Variants in TOMT observed in about 807,000 individuals in gnomAD.
TOMT encodes the protein transmembrane O-methyltransferase.
Under a neutral mutation model 21.7 loss-of-function variants are expected in TOMT, and 23 were observed. That is an observed-to-expected ratio of 1.06 (90% CI 0.76 to 1.50). TOMT has a LOEUF of 1.50. TOMT is among the 40% of genes most tolerant of loss of function. The pLI is 0.00. For synonymous variants in TOMT, 132 were observed against 150.8 expected (o/e 0.88, Z 0.91); for missense variants, 331 against 348.7 (o/e 0.95, Z 0.41).
At chr11:72,107,937 C>A (rs762128762) in exon 2 of TOMT, 1 of 1,551,676 alleles carries the variant, frequency 6.4e-7, no homozygotes, top group South Asian at 1.2e-5. Flanking sequence ...GATCCTGATG[C>A]GGCTGGTGGA....
At chr11:72,109,240 A>G in exon 3 of TOMT, 1 of 465,830 alleles carries the variant, frequency 2.1e-6, no homozygotes. Flanking sequence ...TTGCTCTGAG[A>G]TTTAATCTTC....
intron 1 of TOMT, 36 bp downstream of exon 1, chr11:72,106,246 C>T (rs1168342794): frequency 7.0e-7 from 1 of 1,420,112 alleles, no homozygotes; most frequent in Non-Finnish European, 9.2e-7. Context: ...CAAGAAGTAC[C>T]CCCAAGACAG....
chr11:72,107,976 T>C, exon 2 of TOMT: 1 of 1,551,712 alleles, frequency 6.4e-7, no homozygotes, highest in South Asian at 1.2e-5. Context: ...TGTGCTGGAA[T>C]TGGGAACCTA....
chr11:72,109,373 T>TA (rs542916754), downstream of TOMT: 43 of 461,848 alleles, frequency 9.3e-5, no homozygotes, highest in South Asian at 5.0e-4. Context: ...GGCAATGAGT[T>TA]AGACGCCCTG....
Position 72,107,186 on chromosome 11 carries a change from G to C in TOMT, c.260-737G>C. On this transcript the variant is annotated intron_variant, in intron 1 of 2. Transcript: ENST00000541899. ...AAATGCTGAGGTGGGAGGATTGCCTGAGCCTGGGTGGTCAAGGCTGCAGTG... is the reference window on the plus strand; with the variant it reads ...AAATGCTGAGGTGGGAGGATTGCCTCAGCCTGGGTGGTCAAGGCTGCAGTG... 5 of 489,040 alleles carry C rather than the reference G, an allele frequency of 1.0e-5. No homozygotes were observed. The South Asian group carries it at 1.5e-4, about 15-fold the overall frequency. The allele number at this position is 489,040 out of a possible 1,614,324, so 30.3% of individuals were successfully genotyped here. A position where few individuals can be genotyped will look rare whatever the true frequency, so the allele number is the denominator to read the frequency against.
At chr11:72,108,261 C>A in intron 2 of TOMT, 142 bp downstream of exon 2, 1 of 701,046 alleles carries the variant, frequency 1.4e-6, no homozygotes, top group Non-Finnish European at 2.2e-6. Flanking sequence ...TGAGCTCCTG[C>A]CCTCCTGTCC....
Position 72,106,211 on chromosome 11 carries a change from G to C in TOMT, c.259+1G>C. The C allele has an allele frequency of 2.0e-6, 3 of 1,485,076 alleles. No homozygotes were observed. The highest frequency in any genetic ancestry group is 2.7e-6 in the Non-Finnish European group (3 of 1,112,810). 92.0% of individuals were successfully genotyped at this position (1,485,076 alleles called of 1,614,324 possible). ...TTGAGCCACATGGGGCCTGTCAAAG[G>C]TCAGTGTTCCCTAGCCTTCTGCTCC... On this transcript the variant is annotated splice_donor_variant, in intron 1 of 2. Coordinates refer to ENST00000541899, the Ensembl canonical transcript of TOMT. LOFTEE classifies it high-confidence loss of function.
chr11:72,108,517 T>C (rs1945959688), intron 2 of TOMT, 88 bp from the exon 3 acceptor site: 4 of 1,220,054 alleles, frequency 3.3e-6, no homozygotes, highest in Non-Finnish European at 4.4e-6. Flanking sequence ...AGCCAGGACC[T>C]GGCATGAAGT....
rs999863107 is a variant in TOMT at position 72,106,175 on chromosome 11, G to A, written c.224G>A (p.Arg75His). The change falls in exon 1 of 3, where the codon CGC becomes CAC. Residue 75 changes from arginine to histidine, a missense_variant. Physicochemically the swap from Arg to His is conservative, Grantham distance 29. Coordinates refer to ENST00000541899, the Ensembl canonical transcript of TOMT. ...ACCACCCTGGACCACTGGAGCAGCCGCTGCGAGTACTTGAGCCACATGGGG... is the reference window on the plus strand; with the variant it reads ...ACCACCCTGGACCACTGGAGCAGCCACTGCGAGTACTTGAGCCACATGGGG... 2.2e-5 allele frequency: 33 copies of A among 1,516,448 alleles called. No homozygotes were observed. The highest frequency in any genetic ancestry group is 4.0e-5 in the Admixed American group (2 of 49,998). The allele number at this position is 1,516,448 out of a possible 1,614,324, so 93.9% of individuals were successfully genotyped here. A position where few individuals can be genotyped will look rare whatever the true frequency, so the allele number is the denominator to read the frequency against.
At position 72,107,456 on chromosome 11, in the gene TOMT, C is replaced by CCAGG. The variant is rs749511629; in HGVS notation, c.260-463_260-460dup. On this transcript the variant is annotated intron_variant, in intron 1 of 2. Coordinates refer to ENST00000541899, the Ensembl canonical transcript of TOMT. Reference sequence around the variant, plus strand: ...ACTGAATCTGGAAGTTCTGAGTTGGCCAGGCAGATGGCGATGGGGGTGGGA... The same window carrying CCAGG: ...ACTGAATCTGGAAGTTCTGAGTTGGCCAGGCAGGCAGATGGCGATGGGGGTGGGA... 7 of 702,722 alleles carry CCAGG rather than the reference C, an allele frequency of 1.0e-5. No individual in the cohort carries two copies. The South Asian group carries it at 1.0e-4, about 10-fold the overall frequency. 43.5% of individuals were successfully genotyped at this position (702,722 alleles called of 1,614,324 possible).
At chr11:72,108,485 T>G in intron 2 of TOMT, 120 bp from the exon 3 acceptor site, 1 of 826,600 alleles carries the variant, frequency 1.2e-6, no homozygotes, top group Non-Finnish European at 1.8e-6. Context: ...AGAGGAAATG[T>G]GAGAACACTC....
rs902083155 is a variant in TOMT at position 72,106,319 on chromosome 11, T to A, written c.259+109T>A. ...TGAATTGGGCAGGTTCTTGATCCTC[T>A]TTTAGGGCCTCTTTTTTTTCTCATC... On this transcript the variant is annotated intron_variant, in intron 1 of 2. Transcript: ENST00000541899. The A allele has an allele frequency of 2.5e-6, 3 of 1,182,648 alleles. No individual in the cohort carries two copies. In the African/African-American group the frequency reaches 4.6e-5, roughly 18 times the overall value. The allele number at this position is 1,182,648 out of a possible 1,614,324, so 73.3% of individuals were successfully genotyped here. A position where few individuals can be genotyped will look rare whatever the true frequency, so the allele number is the denominator to read the frequency against.
chr11:72,107,764 A>C (rs1396680102), intron 1 of TOMT, among the ~76,000 whole-genome samples, 159 bp from the exon 2 acceptor site: 1 of 152,156 alleles, frequency 6.6e-6, no homozygotes, highest in East Asian at 1.9e-4. Context: ...ACTGTAGGAG[A>C]CGGGGACCAG....
intron 1 of TOMT, chr11:72,107,469 G>A (rs1310263877): frequency 1.6e-5 from 11 of 702,816 alleles, no homozygotes; most frequent in East Asian, 2.7e-5. Context: ...GGCAGATGGC[G>A]ATGGGGGTGG....
At position 72,108,136 on chromosome 11, in the gene TOMT, C is replaced by T. The variant is rs1175690949; in HGVS notation, c.456+17C>T. The stretch of plus-strand genomic sequence containing the variant: ...GAGCACATGGTCAGCCTCCCATCTC[C>T]CCAACCCAGATTTTTGTCACCCCAG... On this transcript the variant is annotated intron_variant, in intron 2 of 2. Coordinates refer to ENST00000541899, the Ensembl canonical transcript of TOMT. 15 of 1,477,676 alleles carry T rather than the reference C, an allele frequency of 1.0e-5. No individual in the cohort carries two copies. The highest frequency in any genetic ancestry group is 1.4e-5 in the South Asian group (1 of 72,346). 91.5% of individuals were successfully genotyped at this position (1,477,676 alleles called of 1,614,324 possible). A position where few individuals can be genotyped will look rare whatever the true frequency, so the allele number is the denominator to read the frequency against.
intron 2 of TOMT, among the ~76,000 whole-genome samples, 187 bp downstream of exon 2, chr11:72,108,306 G>A (rs1433611060): frequency 2.0e-5 from 3 of 152,176 alleles, no homozygotes; most frequent in Non-Finnish European, 4.4e-5. Context: ...GCCGGATGAC[G>A]AAAGAAACAG....
At position 72,106,214 on chromosome 11, in the gene TOMT, A is replaced by G; in HGVS notation, c.259+4A>G. On this transcript the variant is annotated splice_donor_region_variant and intron_variant, in intron 1 of 2. Transcript: ENST00000541899. Reference sequence around the variant, plus strand: ...AGCCACATGGGGCCTGTCAAAGGTCAGTGTTCCCTAGCCTTCTGCTCCAAG... The same window carrying G: ...AGCCACATGGGGCCTGTCAAAGGTCGGTGTTCCCTAGCCTTCTGCTCCAAG... 1 of 1,480,142 alleles carries G rather than the reference A, an allele frequency of 6.8e-7. No homozygotes were observed. The highest frequency in any genetic ancestry group is 9.0e-7 in the Non-Finnish European group (1 of 1,110,662). 91.7% of individuals were successfully genotyped at this position (1,480,142 alleles called of 1,614,324 possible).
exon 2 of TOMT, chr11:72,108,045 A>T: frequency 2.6e-6 from 4 of 1,551,208 alleles, no homozygotes; most frequent in Non-Finnish European, 2.6e-6. Flanking sequence ...TCGCCTTCTT[A>T]CTGTGGAGCG....
chr11:72,109,032 C>A, exon 3 of TOMT: 1 of 995,552 alleles, frequency 1.0e-6, no homozygotes, highest in Non-Finnish European at 1.4e-6. Flanking sequence ...ACGCTGGGCT[C>A]AGGGCTAGGG....
Sources: allele counts gnomAD v4.1 joint callset (sites outside exome capture counted in the v4.1 genomes callset), GRCh38; gene constraint gnomAD v4.1.1; transcripts MANE v1.5; gene names NCBI Gene and HGNC (gene_info 2026-07-23, HGNC 2026-07-21).